TNFRSF11A: variants seen among roughly 807,000 people sequenced by gnomAD.
The protein encoded by TNFRSF11A is TNF receptor superfamily member 11a.
TNFRSF11A carries 32 observed loss-of-function variants against 55.7 expected under a neutral mutation model. The observed-to-expected ratio is 0.57, with a 90% CI of 0.43 to 0.77. The LOEUF (loss-of-function observed/expected upper bound fraction) is 0.77. Among genes scored for constraint, TNFRSF11A ranks in the 30% least tolerant of loss-of-function variants. The pLI is 0.00. For synonymous variants in TNFRSF11A, 311 were observed against 331.0 expected (o/e 0.94, Z 0.65); for missense variants, 753 against 809.8 (o/e 0.93, Z 0.85).
intron 9 of TNFRSF11A, among the ~76,000 whole-genome samples, chr18:62,374,941 A>G (rs532043957): frequency 8.9e-4 from 135 of 151,712 alleles, no homozygotes; most frequent in African/African-American, 3.2e-3. Flanking sequence ...GTTTGGCTCT[A>G]TTACCCAGGC....
intron 4 of TNFRSF11A, chr18:62,357,950 C>G: frequency 5.2e-6 from 2 of 386,456 alleles, no homozygotes; most frequent in South Asian, 2.5e-5. Context: ...AGGGTCATGA[C>G]CAGAGCTAGC....
At chr18:62,365,894 T>C (rs1272828497) in intron 7 of TNFRSF11A, among the ~76,000 whole-genome samples, 1 of 152,204 alleles carries the variant, frequency 6.6e-6, no homozygotes, top group Non-Finnish European at 1.5e-5. Context: ...CTCAGCTCAC[T>C]GCAGCCTCCG....
At chr18:62,384,311 T>TTCCTGTTCCTCCTCTCCTCCTC (rs1430934579) in intron 9 of TNFRSF11A, among the ~76,000 whole-genome samples, 2 of 125,040 alleles carry the variant, frequency 1.6e-5, no homozygotes, top group African/African-American at 6.2e-5. Flanking sequence ...CCCTCCTCCT[T>TTCCTGTTCCTCCTCTCCTCCTC]TCCTGTTCCT....
rs1390149552 is a variant in TNFRSF11A, at chr18:62,349,876, T to C, written c.222T>C (p.Asp74=). 1.2e-6 allele frequency: 2 copies of C among 1,614,212 alleles called. No individual in the cohort carries two copies. The highest frequency in any genetic ancestry group is 1.7e-5 in the Admixed American group (1 of 60,032). The change falls in exon 3 of 10, where the codon GAT becomes GAC. Residue 74 remains aspartate (D), a synonymous_variant. Coordinates refer to ENST00000586569, the MANE Select transcript of TNFRSF11A (RefSeq NM_003839.4). The stretch of plus-strand genomic sequence containing the variant: ...GTGTATGTCTGCCCTGTGGCCCGGA[T>C]GAATACTTGGATAGCTGGAATGAAG... ...SDSVCLPCGP[D]EYLDSWNEED...
At chr18:62,357,863 T>C in intron 4 of TNFRSF11A, 1 of 288,484 alleles carries the variant, frequency 3.5e-6, no homozygotes, top group Non-Finnish European at 6.8e-6. Flanking sequence ...AAGAGACAGA[T>C]AGCAGGAGCA....
At chr18:62,363,610 A>C (rs534773358) in intron 7 of TNFRSF11A, among the ~76,000 whole-genome samples, 5 of 151,946 alleles carry the variant, frequency 3.3e-5, no homozygotes, top group African/African-American at 1.2e-4. Flanking sequence ...CTCATGATCC[A>C]CCCACCTTGG....
At chr18:62,339,725 A>C (rs980819309) in intron 1 of TNFRSF11A, among the ~76,000 whole-genome samples, 6 of 152,186 alleles carry the variant, frequency 3.9e-5, no homozygotes, top group Admixed American at 6.5e-5. Context: ...CCTCCTGTTA[A>C]ACTCTGACTA....
intron 8 of TNFRSF11A, chr18:62,367,312 T>A (rs1568489058): frequency 1.2e-5 from 2 of 164,366 alleles, no homozygotes; most frequent in Non-Finnish European, 2.7e-5. Flanking sequence ...TCATGTCATT[T>A]TTTTTAGTAC....
chr18:62,385,192 T>G lies in TNFRSF11A; in HGVS notation c.*158T>G. On this transcript the variant is annotated 3_prime_UTR_variant, in exon 10 of 10. Coordinates refer to ENST00000586569, the MANE Select transcript of TNFRSF11A (RefSeq NM_003839.4). ...CACTTTGCCTTCCAGGAAATGGGCTTTTCAGGAAGTGAATTGATGAGGACT... is the reference window on the plus strand; with the variant it reads ...CACTTTGCCTTCCAGGAAATGGGCTGTTCAGGAAGTGAATTGATGAGGACT... The G allele has an allele frequency of 1.2e-6, 1 of 851,966 alleles. No individual in the cohort carries two copies. Among genetic ancestry groups the G allele is most frequent in the Non-Finnish European group, 1.6e-6 (1 of 609,184 alleles). 52.8% of individuals were successfully genotyped at this position (851,966 alleles called of 1,614,324 possible). A position where few individuals can be genotyped will look rare whatever the true frequency, so the allele number is the denominator to read the frequency against.
chr18:62,367,624 G>C (rs552295280), intron 8 of TNFRSF11A, among the ~76,000 whole-genome samples: 2 of 152,010 alleles, frequency 1.3e-5, no homozygotes, highest in African/African-American at 4.8e-5. Flanking sequence ...ATATTTCAGT[G>C]TGTATTTAAG....
chr18:62,349,881 A>T lies in TNFRSF11A; in HGVS notation c.227A>T (p.Tyr76Phe). Residue 76 changes from tyrosine to phenylalanine, a missense_variant, in exon 3 of 10, where the codon TAC (tyrosine) becomes TTC (phenylalanine). By Grantham distance (22) the Tyr-to-Phe change is conservative. Transcript: ENST00000586569. ...TGTCTGCCCTGTGGCCCGGATGAAT[A>T]CTTGGATAGCTGGAATGAAGAAGAT... is the stretch of plus-strand genomic sequence containing the variant. ...SVCLPCGPDE[Y>F]LDSWNEEDKC... 6.2e-7 allele frequency: 1 copy of T among 1,614,118 alleles called. No individual in the cohort carries two copies. The highest frequency in any genetic ancestry group is 8.5e-7 in the Non-Finnish European group (1 of 1,179,978).
At chr18:62,382,173 C>T (rs1431653827) in intron 9 of TNFRSF11A, among the ~76,000 whole-genome samples, 3 of 137,720 alleles carry the variant, frequency 2.2e-5, no homozygotes, top group African/African-American at 8.2e-5. Flanking sequence ...TGCAGTGGCG[C>T]GATCTTGACT....
At chr18:62,343,283 C>T (rs865918701) in intron 1 of TNFRSF11A, among the ~76,000 whole-genome samples, 21 of 152,198 alleles carry the variant, frequency 1.4e-4, no homozygotes, top group Middle Eastern at 3.2e-3. Context: ...ACGTTCTTTT[C>T]GTCTCGATTT....
chr18:62,335,536 A>G (rs1220753582), intron 1 of TNFRSF11A, among the ~76,000 whole-genome samples: 2 of 152,196 alleles, frequency 1.3e-5, no homozygotes. Context: ...CTCTGCACCC[A>G]AGGGGTGAGG....
At chr18:62,355,636 G>A (rs945857805) in intron 4 of TNFRSF11A, among the ~76,000 whole-genome samples, 4 of 152,140 alleles carry the variant, frequency 2.6e-5, no homozygotes, top group African/African-American at 9.6e-5. Flanking sequence ...CATTTCTTCT[G>A]GACCAAGTTG....
At chr18:62,370,850 G>A (rs1305745023) in intron 9 of TNFRSF11A, among the ~76,000 whole-genome samples, 1 of 142,230 alleles carries the variant, frequency 7.0e-6, no homozygotes, top group East Asian at 2.0e-4. Flanking sequence ...TTTTTTTTGA[G>A]ACCAAGTCTC....
Position 62,369,473 on chromosome 18 carries a change from C to A in TNFRSF11A, c.1556C>A (p.Ser519Tyr), listed in dbSNP as rs746260899. The A allele has an allele frequency of 6.2e-7, 1 of 1,606,908 alleles. No homozygotes were observed. The highest frequency in any genetic ancestry group is 8.5e-7 in the Non-Finnish European group (1 of 1,179,998). The change falls in exon 9 of 10, where the codon TCC becomes TAC. Residue 519 changes from serine to tyrosine, a missense_variant. Ser to Tyr is a moderately radical substitution (Grantham distance 144). This residue lies in a region of TNFRSF11A where 567 missense variants were observed against 596.7 expected (regional missense o/e 0.95). Coordinates refer to ENST00000586569, the MANE Select transcript of TNFRSF11A (RefSeq NM_003839.4). The part of the protein sequence containing the change: ...AGSGSSPGGQ[S>Y]PASGNVTGNS... Reference sequence around the variant, plus strand: ...TCTGGAAGCTCCCCTGGTGGCCAGTCCCCTGCATCTGGTAAGTGACTTCCC... The same window carrying A: ...TCTGGAAGCTCCCCTGGTGGCCAGTACCCTGCATCTGGTAAGTGACTTCCC...
chr18:62,368,671 T>C (rs1269135404), intron 8 of TNFRSF11A, 30 bp from the exon 9 acceptor site: 1 of 1,613,308 alleles, frequency 6.2e-7, no homozygotes, highest in South Asian at 1.1e-5. Context: ...TAGGTATTAA[T>C]GCCTCTGCCT....
intron 9 of TNFRSF11A, chr18:62,373,010 A>C (rs1237616035): frequency 6.6e-6 from 1 of 152,242 alleles, no homozygotes; most frequent in Non-Finnish European, 1.5e-5. Flanking sequence ...CCGTGTGAAA[A>C]GGTATCAATC....
Sources: allele counts gnomAD v4.1 joint callset (sites outside exome capture counted in the v4.1 genomes callset), GRCh38; gene constraint gnomAD v4.1.1; regional missense constraint gnomAD v4.1.1; transcripts MANE v1.5; gene names NCBI Gene and HGNC (gene_info 2026-07-23, HGNC 2026-07-21).